Variants in CDH12 observed in about 807,000 individuals in gnomAD.
The protein encoded by CDH12 is cadherin 12.
CDH12 carries 41 observed loss-of-function variants against 74.1 expected under a neutral mutation model. That is an observed-to-expected ratio of 0.55 (90% confidence interval 0.43 to 0.72). The LOEUF is 0.72. Among genes scored for constraint, CDH12 ranks in the 30% least tolerant of loss-of-function variants. The pLI is 0.00. For missense variants in CDH12, 945 were observed against 977.2 expected (o/e 0.97, Z 0.44); for synonymous variants, 399 against 355.0 (o/e 1.12, Z -1.39).
intron 1 of CDH12, among the ~76,000 whole-genome samples, chr5:22,653,680 G>A (rs1739859343): frequency 6.6e-6 from 1 of 152,142 alleles, no homozygotes; most frequent in Non-Finnish European, 1.5e-5. Context: ...CAGAATTACT[G>A]TTTAAAAATG....
chr5:22,236,885 G>A (rs954233204), intron 3 of CDH12, among the ~76,000 whole-genome samples: 3 of 152,006 alleles, frequency 2.0e-5, no homozygotes. Context: ...TATGCATGGA[G>A]CCATTGTCTC....
At chr5:22,037,848 C>G (rs1033819958) in intron 5 of CDH12, among the ~76,000 whole-genome samples, 1 of 152,212 alleles carries the variant, frequency 6.6e-6, no homozygotes, top group East Asian at 1.9e-4. Context: ...TTCAGTATAG[C>G]CACTAGAGAA....
intron 8 of CDH12, among the ~76,000 whole-genome samples, chr5:21,827,350 T>G (rs1748735096): frequency 6.6e-6 from 1 of 152,102 alleles, no homozygotes; most frequent in South Asian, 2.1e-4. Context: ...GAGGAAAGTT[T>G]CCCTTTTCAG....
At chr5:22,558,228 G>A (rs908993990) in intron 1 of CDH12, among the ~76,000 whole-genome samples, 4 of 151,894 alleles carry the variant, frequency 2.6e-5, no homozygotes, top group Admixed American at 6.6e-5. Flanking sequence ...AGAGGTAGAA[G>A]TTACAAGGAA....
intron 1 of CDH12, among the ~76,000 whole-genome samples, chr5:22,616,611 T>C (rs1437662179): frequency 6.6e-6 from 1 of 152,116 alleles, no homozygotes; most frequent in African/African-American, 2.4e-5. Flanking sequence ...CATGCATGTG[T>C]GTATACATAC....
chr5:22,124,126 C>CCTG (rs1250074179), intron 4 of CDH12, among the ~76,000 whole-genome samples: 1 of 151,462 alleles, frequency 6.6e-6, no homozygotes, highest in Non-Finnish European at 1.5e-5. Context: ...GCCAACACTC[C>CCTG]CTGCTGATTA....
intron 11 of CDH12, among the ~76,000 whole-genome samples, chr5:21,767,762 C>G (rs903851518): frequency 7.9e-5 from 12 of 151,640 alleles, no homozygotes; most frequent in Admixed American, 3.9e-4. Context: ...ATTTTCAAAA[C>G]TTTCCATAAT....
At chr5:22,725,022 G>T (rs905579157) in intron 1 of CDH12, among the ~76,000 whole-genome samples, 6 of 151,866 alleles carry the variant, frequency 4.0e-5, no homozygotes, top group Admixed American at 3.9e-4. Context: ...TTGGGACTTT[G>T]CTATCTTTGA....
intron 1 of CDH12, among the ~76,000 whole-genome samples, chr5:22,768,767 T>A (rs999725225): frequency 6.6e-6 from 1 of 152,100 alleles, no homozygotes; most frequent in Non-Finnish European, 1.5e-5. Flanking sequence ...CACCTCATTT[T>A]AAAAAATTAT....
chr5:21,856,874 T>G (rs931547033), intron 6 of CDH12, among the ~76,000 whole-genome samples: 1 of 151,844 alleles, frequency 6.6e-6, no homozygotes. Flanking sequence ...TTAAAAGTAA[T>G]TGTCCACTGA....
intron 1 of CDH12, among the ~76,000 whole-genome samples, chr5:22,574,204 C>T (rs570920497): frequency 2.7e-5 from 4 of 150,818 alleles, no homozygotes; most frequent in Admixed American, 2.0e-4. Context: ...GTCAGCCTCA[C>T]GAGTAGCTGG....
intron 6 of CDH12, among the ~76,000 whole-genome samples, chr5:21,950,749 A>C (rs1755813047): frequency 7.6e-6 from 1 of 130,974 alleles, no homozygotes; most frequent in Non-Finnish European, 1.6e-5. Flanking sequence ...CAGCTACATA[A>C]ATTTTATTTT....
chr5:22,407,078 T>C (rs1214025905), intron 2 of CDH12, among the ~76,000 whole-genome samples: 1 of 152,052 alleles, frequency 6.6e-6, no homozygotes, highest in Non-Finnish European at 1.5e-5. Context: ...TGTTTGTCAC[T>C]AGAAAAAAAA....
chr5:21,802,739 C>T (rs998833337), intron 9 of CDH12, among the ~76,000 whole-genome samples: 15 of 151,578 alleles, frequency 9.9e-5, no homozygotes, highest in Admixed American at 3.3e-4. Context: ...CTACAGGCGC[C>T]CGCCACCATG....
chr5:22,308,985 G>A (rs1487997640), intron 3 of CDH12, among the ~76,000 whole-genome samples: 1 of 150,932 alleles, frequency 6.6e-6, no homozygotes, highest in South Asian at 2.1e-4. Context: ...AAGCGAGAGA[G>A]AGATGACTTC....
At chr5:22,131,445 G>A (rs940893371) in intron 4 of CDH12, among the ~76,000 whole-genome samples, 9 of 152,082 alleles carry the variant, frequency 5.9e-5, no homozygotes, top group African/African-American at 2.2e-4. Flanking sequence ...ATTGATTTTA[G>A]CTATTGGTAT....
chr5:22,382,835 A>C (rs1741826666), intron 3 of CDH12, among the ~76,000 whole-genome samples: 1 of 151,760 alleles, frequency 6.6e-6, no homozygotes, highest in African/African-American at 2.4e-5. Context: ...TATTATTATT[A>C]TTATTATTTT....
At chr5:21,765,463 T>C (rs1286857803) in intron 11 of CDH12, among the ~76,000 whole-genome samples, 1 of 151,806 alleles carries the variant, frequency 6.6e-6, no homozygotes, top group African/African-American at 2.4e-5. Context: ...ACGTTATTGG[T>C]TGGATGATCT....
intron 4 of CDH12, among the ~76,000 whole-genome samples, chr5:22,087,288 G>A (rs562965186): frequency 6.6e-6 from 1 of 152,166 alleles, no homozygotes; most frequent in East Asian, 1.9e-4. Flanking sequence ...GCTAAAATAA[G>A]GTACAATCTA....
Sources: gnomAD v4.1 joint callset for allele counts (sites outside exome capture counted in the v4.1 genomes callset) on GRCh38, gnomAD v4.1.1 for gene constraint, MANE v1.5 for transcripts, NCBI Gene and HGNC (gene_info 2026-07-23, HGNC 2026-07-21) for gene names.